The following ZBTB46 variants were observed in gnomAD, a reference collection of about 807,000 sequenced individuals.
ZBTB46 encodes zinc finger and BTB domain containing 46.
Under a neutral mutation model 44.1 loss-of-function variants are expected in ZBTB46, and 8 were observed. That is an observed-to-expected ratio of 0.18 (90% CI 0.11 to 0.33). ZBTB46 has a LOEUF of 0.33. ZBTB46 is among the 10% of genes least tolerant of loss of function. The pLI is 1.00. For synonymous variants in ZBTB46, 409 were observed against 382.3 expected, an observed-to-expected ratio of 1.07 and a Z score of -0.81; for missense variants, 651 against 847.7, an observed-to-expected ratio of 0.77 and a Z score of 2.88.
At position 63,767,422 on chromosome 20, in the gene ZBTB46, C is replaced by T. The variant is rs2092329601; in HGVS notation, c.1222+8256G>A. 6.6e-6 allele frequency among the ~76,000 whole-genome samples: 1 copy of T among 152,048 alleles called. No homozygotes were observed. The highest frequency in any genetic ancestry group is 2.1e-4 in the South Asian group (1 of 4,826). The stretch of plus-strand genomic sequence containing the variant: ...ACCTGGCAGCAGCCGGCAGAGGACT[C>T]GAGAAATGACCACAGAAAGGCACAC... On this transcript the variant is annotated intron_variant, in intron 3 of 4. Transcript: ENST00000245663. The surrounding 1 kb of genome is among the most constrained non-coding windows in gnomAD (Gnocchi z 5.0).
rs5019252 is a variant in ZBTB46 at position 63,746,996 on chromosome 20, C to T, written c.1704G>A (p.Glu568=). 0.33 allele frequency: 533,541 copies of T among 1,606,946 alleles called. 91,538 individuals are homozygous for T. The highest frequency in any genetic ancestry group is 0.45 in the Admixed American group (26,968 of 59,906). ...EDALLADDKD[E]EDSPRPRSPP... is the part of the protein sequence containing the mutation. ...GGCTGCGCGGCCGCGGCGAGTCTTCCTCATCCTTGTCGTCCGCCAACAGCG... is the reference window on the plus strand; with the variant it reads ...GGCTGCGCGGCCGCGGCGAGTCTTCTTCATCCTTGTCGTCCGCCAACAGCG... Residue 568 remains glutamate, a synonymous_variant, in exon 5 of 5, where the codon GAG becomes GAA. Transcript: ENST00000245663.
chr20:63,801,164 G>C (rs943344712), intron 1 of ZBTB46, among the ~76,000 whole-genome samples: 1 of 151,588 alleles, frequency 6.6e-6, no homozygotes, highest in Non-Finnish European at 1.5e-5. Flanking sequence ...AGCTGATCCG[G>C]TGGGGACTTA....
chr20:63,824,212 A>G (rs988881785), intron 1 of ZBTB46, among the ~76,000 whole-genome samples: 1 of 152,116 alleles, frequency 6.6e-6, no homozygotes, highest in Non-Finnish European at 1.5e-5. Flanking sequence ...CCACACTGAA[A>G]TGGGAGGAGG....
At chr20:63,797,820 C>T (rs1463872296) in intron 1 of ZBTB46, among the ~76,000 whole-genome samples, 1 of 152,196 alleles carries the variant, frequency 6.6e-6, no homozygotes, top group Non-Finnish European at 1.5e-5. Context: ...AGTGTCTGTT[C>T]ATATCCTTTG....
intron 1 of ZBTB46, among the ~76,000 whole-genome samples, chr20:63,796,243 G>T (rs2092603134): frequency 6.6e-6 from 1 of 152,250 alleles, no homozygotes; most frequent in East Asian, 1.9e-4. Flanking sequence ...TCAGGCGGTA[G>T]TGTGTCTGCC....
At chr20:63,782,268 G>A (rs1225273570) in intron 2 of ZBTB46, among the ~76,000 whole-genome samples, 4 of 152,012 alleles carry the variant, frequency 2.6e-5, no homozygotes, top group South Asian at 2.1e-4. Flanking sequence ...AGGATCTCAC[G>A]ATGAGTCCTG....
chr20:63,783,683 G>A (rs2092489256), intron 2 of ZBTB46, among the ~76,000 whole-genome samples: 2 of 152,206 alleles, frequency 1.3e-5, no homozygotes, highest in South Asian at 2.1e-4. Context: ...GAACAGGGGA[G>A]TGGATTAAAA....
In ZBTB46 at chr20:63,779,005, G is replaced by T. The variant is rs2092447153; in HGVS notation, c.938-3043C>A. Among the ~76,000 whole-genome samples the T allele has an allele frequency of 2.0e-5, 3 of 152,216 alleles. No homozygotes were observed. The South Asian group carries it at 6.2e-4, about 32-fold the overall frequency. On this transcript the variant is annotated intron_variant, in intron 2 of 4. Coordinates refer to ENST00000245663, the MANE Select transcript of ZBTB46 (RefSeq NM_001369741.1). ...TGCAGATGGCGGCAGGTGAGCCCTG[G>T]GGGCCCCTCCTCAGAGTCTGGGAGC...
At chr20:63,805,546 A>G (rs2092675772) in intron 1 of ZBTB46, among the ~76,000 whole-genome samples, 1 of 152,152 alleles carries the variant, frequency 6.6e-6, no homozygotes. Context: ...TCACAAGCCA[A>G]AGGATGCCTG....
chr20:63,791,957 C>T (rs930752421), intron 1 of ZBTB46, among the ~76,000 whole-genome samples: 20 of 152,188 alleles, frequency 1.3e-4, no homozygotes, highest in African/African-American at 4.8e-4. Context: ...GGATGTCGGC[C>T]GAGCTGGTGC....
chr20:63,780,426 C>T (rs1024322254), intron 2 of ZBTB46, among the ~76,000 whole-genome samples: 3 of 152,248 alleles, frequency 2.0e-5, no homozygotes, highest in South Asian at 2.1e-4. Context: ...GCTGATCTCA[C>T]GCCACATACA....
chr20:63,799,746 C>CGGG (rs35864350), intron 1 of ZBTB46, among the ~76,000 whole-genome samples: 5 of 152,264 alleles, frequency 3.3e-5, no homozygotes, highest in African/African-American at 1.2e-4. Flanking sequence ...CCCCAGCTGT[C>CGGG]GGGGAAGTGC....
intron 3 of ZBTB46, among the ~76,000 whole-genome samples, chr20:63,762,917 A>G (rs542808744): frequency 1.1e-4 from 17 of 152,240 alleles, no homozygotes; most frequent in African/African-American, 3.9e-4. Context: ...GCTGGAGTAC[A>G]GTGGCACAAT....
intron 1 of ZBTB46, among the ~76,000 whole-genome samples, chr20:63,823,888 G>GTGTGTGTGT (rs1414023978): frequency 3.3e-5 from 5 of 151,548 alleles, no homozygotes; most frequent in African/African-American, 9.7e-5. Flanking sequence ...GTGTGTGTGT[G>GTGTGTGTGT]TTCTTTGGGA....
intron 2 of ZBTB46, among the ~76,000 whole-genome samples, chr20:63,782,721 G>A (rs983280005): frequency 3.3e-5 from 5 of 152,186 alleles, no homozygotes; most frequent in South Asian, 2.1e-4. Context: ...GAGGAGCAGT[G>A]TTGCTGCTGG....
chr20:63,832,649 C>T (rs1265501216), upstream of ZBTB46, among the ~76,000 whole-genome samples: 2 of 152,154 alleles, frequency 1.3e-5, no homozygotes, highest in Non-Finnish European at 2.9e-5. This position sits in a 1 kb window ranked among gnomAD's most constrained non-coding sequence, Gnocchi z 5.0. Flanking sequence ...TGTGCGGACA[C>T]CCCGTTCCCA....
At chr20:63,832,718 A>G (rs1431318614), upstream of ZBTB46, among the ~76,000 whole-genome samples, 1 of 147,832 alleles carries the variant, frequency 6.8e-6, no homozygotes, top group Non-Finnish European at 1.5e-5. The surrounding 1 kb of genome is among the most constrained non-coding windows in gnomAD (Gnocchi z 5.0). Flanking sequence ...TCGCCGGCCT[A>G]CCTCGCGCGG....
chr20:63,747,565 G>T (rs1253591853), intron 4 of ZBTB46, among the ~76,000 whole-genome samples: 1 of 137,466 alleles, frequency 7.3e-6, no homozygotes, highest in Non-Finnish European at 1.6e-5. Context: ...AGCAGGGCCC[G>T]GTTGGGGTTG....
At chr20:63,822,978 T>C (rs1600727275) in intron 1 of ZBTB46, among the ~76,000 whole-genome samples, 2 of 151,826 alleles carry the variant, frequency 1.3e-5, no homozygotes, top group African/African-American at 4.8e-5. Flanking sequence ...CTGGGCAACA[T>C]GGACAAACCC....
Sources: gnomAD v4.1 joint callset for allele counts (sites outside exome capture counted in the v4.1 genomes callset) on GRCh38, gnomAD v4.1.1 for gene constraint, Gnocchi (gnomAD v3.1) non-coding constraint, MANE v1.5 for transcripts, NCBI Gene and HGNC (gene_info 2026-07-23, HGNC 2026-07-21) for gene names.